UNC13C: variants seen among roughly 807,000 people sequenced by gnomAD.
UNC13C encodes the protein unc-13 homolog C.
A neutral mutation model predicts 245.4 loss-of-function variants in UNC13C; 174 were observed. That is an observed-to-expected ratio of 0.71 (90% CI 0.63 to 0.80). The LOEUF (loss-of-function observed/expected upper bound fraction) is 0.80. UNC13C is among the 30% of genes least tolerant of loss of function. The probability of loss-of-function intolerance (pLI) is 0.00; values close to 1 mark genes in which losing one functional copy is unlikely to be tolerated. For missense variants in UNC13C, 2,829 were observed against 2,602.9 expected, an observed-to-expected ratio of 1.09 and a Z score of -1.89; for synonymous variants, 992 against 895.1, an observed-to-expected ratio of 1.11 and a Z score of -1.93.
rs1287640161 is a variant in UNC13C at position 54,628,376 on chromosome 15, A to ATGAT, written c.*1266_*1269dup. On this transcript the variant is annotated 3_prime_UTR_variant, in exon 33 of 33. Coordinates refer to ENST00000260323, the MANE Select transcript of UNC13C (RefSeq NM_001080534.3). ...ACAGAAGCAGAAACAAGAGCCTGTT[A>ATGAT]TGATTGTGCTTTGTGAACAAGCTGA... is the stretch of plus-strand genomic sequence containing the variant. The ATGAT allele has an allele frequency of 2.6e-5, 4 of 152,060 alleles. No homozygotes were observed. The highest frequency in any genetic ancestry group is 4.8e-5 in the African/African-American group (2 of 41,416). 9.4% of individuals were successfully genotyped at this position (152,060 alleles called of 1,614,324 possible). A position where few individuals can be genotyped will look rare whatever the true frequency, so the allele number is the denominator to read the frequency against.
chr15:54,403,715 C>CA (rs771818988), intron 18 of UNC13C, among the ~76,000 whole-genome samples: 22,207 of 56,114 alleles, frequency 0.4, 4,833 homozygotes, highest in Non-Finnish European at 0.42. Flanking sequence ...GAACCTGTCT[C>CA]AAAAAAAAAA....
At chr15:54,079,999 T>A (rs1898849775) in intron 2 of UNC13C, among the ~76,000 whole-genome samples, 1 of 102,766 alleles carries the variant, frequency 9.7e-6, no homozygotes, top group Admixed American at 1.0e-4. Context: ...GCCTGGTTTG[T>A]CGAGCGGTTT....
At chr15:54,530,426 A>C (rs1328135717) in intron 25 of UNC13C, among the ~76,000 whole-genome samples, 1 of 152,216 alleles carries the variant, frequency 6.6e-6, no homozygotes, top group Non-Finnish European at 1.5e-5. Context: ...CAAGCATGGC[A>C]TCCTGTGCCA....
chr15:54,599,759 G>T (rs1899306237), intron 30 of UNC13C, among the ~76,000 whole-genome samples: 1 of 152,082 alleles, frequency 6.6e-6, no homozygotes, highest in African/African-American at 2.4e-5. Context: ...CTCTGGGTCT[G>T]TGTGAAGCCT....
rs532799305 is a variant in UNC13C, at chr15:54,058,864, A to G, written c.2983+42978A>G. On this transcript the variant is annotated intron_variant, in intron 2 of 32. Transcript: ENST00000260323. ...AAACAGAACCAAAGACAAAAACCAC[A>G]TGATTATCTCGATAGATGCAGAAAA... Among the ~76,000 whole-genome samples the G allele has an allele frequency of 7.9e-5, 12 of 152,352 alleles. No individual in the cohort carries two copies. The East Asian group carries it at 1.9e-3, about 24-fold the overall frequency.
intron 20 of UNC13C, among the ~76,000 whole-genome samples, chr15:54,495,465 T>TG (rs1006213276): frequency 6.6e-6 from 1 of 152,008 alleles, no homozygotes; most frequent in Non-Finnish European, 1.5e-5. Flanking sequence ...TACCTCTATT[T>TG]GGGGAACTCC....
chr15:54,591,839 G>C (rs1298723308), intron 30 of UNC13C, among the ~76,000 whole-genome samples: 1 of 151,906 alleles, frequency 6.6e-6, no homozygotes, highest in Non-Finnish European at 1.5e-5. Context: ...TGCTGGGTTT[G>C]GGTTTGGTTT....
At chr15:54,585,142 T>C (rs953198988) in intron 30 of UNC13C, among the ~76,000 whole-genome samples, 1 of 152,188 alleles carries the variant, frequency 6.6e-6, no homozygotes, top group Non-Finnish European at 1.5e-5. Context: ...TTTGAACGTT[T>C]GGCCCCTCCA....
Position 54,294,106 on chromosome 15 carries a change from A to T in UNC13C, c.3988+42A>T, listed in dbSNP as rs1453215222. On this transcript the variant is annotated intron_variant, in intron 11 of 32. Coordinates refer to ENST00000260323, the MANE Select transcript of UNC13C (RefSeq NM_001080534.3). ...TCTACTTGAAAACGAGTTAAATAAA[A>T]CCCCTGAATACCTGTGGCATGTATT... 3 of 1,447,482 alleles carry T rather than the reference A, an allele frequency of 2.1e-6. No individual in the cohort carries two copies. In the Admixed American group the frequency reaches 8.0e-5, roughly 39 times the overall value. The allele number at this position is 1,447,482 out of a possible 1,614,324, so 89.7% of individuals were successfully genotyped here.
chr15:54,579,545 T>A (rs2141236215), intron 30 of UNC13C, among the ~76,000 whole-genome samples: 1 of 151,950 alleles, frequency 6.6e-6, no homozygotes, highest in South Asian at 2.1e-4. Flanking sequence ...GATCACGAGG[T>A]CAGGAGATCG....
At chr15:54,104,030 A>C (rs960749255) in intron 2 of UNC13C, among the ~76,000 whole-genome samples, 5 of 152,374 alleles carry the variant, frequency 3.3e-5, no homozygotes, top group African/African-American at 1.2e-4. Context: ...GGCGTGAGCC[A>C]CCATGCCCGG....
chr15:54,446,418 A>C (rs1890817945), intron 19 of UNC13C, among the ~76,000 whole-genome samples: 1 of 152,132 alleles, frequency 6.6e-6, no homozygotes, highest in Non-Finnish European at 1.5e-5. Flanking sequence ...GATTCTTCCT[A>C]TCCATGAGCA....
chr15:54,420,097 G>C (rs1314796409), intron 19 of UNC13C, among the ~76,000 whole-genome samples: 1 of 152,082 alleles, frequency 6.6e-6, no homozygotes, highest in Non-Finnish European at 1.5e-5. Context: ...AATAGTAAAA[G>C]AGAAACTCTC....
At chr15:54,395,453 C>T (rs1037137377) in intron 18 of UNC13C, among the ~76,000 whole-genome samples, 9 of 151,838 alleles carry the variant, frequency 5.9e-5, no homozygotes, top group African/African-American at 2.2e-4. Flanking sequence ...CATCCCAAAT[C>T]TGTGGAGTCA....
intron 29 of UNC13C, among the ~76,000 whole-genome samples, chr15:54,565,752 A>C (rs181665060): frequency 6.6e-5 from 10 of 152,128 alleles, no homozygotes; most frequent in Admixed American, 6.6e-5. Context: ...CTAGGGACAA[A>C]AATCATCTAT....
intron 2 of UNC13C, among the ~76,000 whole-genome samples, chr15:54,121,099 C>T (rs76418417): frequency 6.6e-6 from 1 of 152,094 alleles, no homozygotes; most frequent in Non-Finnish European, 1.5e-5. Flanking sequence ...GAAAGAATTC[C>T]TGCTGTGGGT....
Position 54,216,319 on chromosome 15 carries a change from A to T in UNC13C, c.3072-18711A>T, listed in dbSNP as rs567293850. 1.4e-4 allele frequency among the ~76,000 whole-genome samples: 22 copies of T among 152,102 alleles called. No homozygotes were observed. In the South Asian group the frequency reaches 4.3e-3, roughly 30 times the overall value. On this transcript the variant is annotated intron_variant, in intron 4 of 32. Transcript: ENST00000260323. ...AATATAGCATTTTTTAGGTTGCTTC[A>T]ATTCTATAACTCAGATTAGCTGTTA... is the stretch of plus-strand genomic sequence containing the variant.
chr15:54,482,693 G>A (rs1184298704), intron 19 of UNC13C, among the ~76,000 whole-genome samples: 3 of 152,132 alleles, frequency 2.0e-5, no homozygotes, highest in Non-Finnish European at 4.4e-5. Flanking sequence ...TGTGGAGGAG[G>A]CAAGTGCCAG....
intron 19 of UNC13C, among the ~76,000 whole-genome samples, chr15:54,464,420 T>C (rs1350124622): frequency 6.6e-6 from 1 of 152,140 alleles, no homozygotes; most frequent in East Asian, 1.9e-4. Context: ...GATATTTTAG[T>C]GAAGCATTAC....
Sources: allele counts gnomAD v4.1 joint callset (sites outside exome capture counted in the v4.1 genomes callset), GRCh38; gene constraint gnomAD v4.1.1; transcripts MANE v1.5; gene names NCBI Gene and HGNC (gene_info 2026-07-23, HGNC 2026-07-21).